Variants in FMR1NB observed in about 807,000 individuals in gnomAD.
FMR1NB encodes FMR1 neighbor protein.
Under a neutral mutation model 16.8 loss-of-function variants are expected in FMR1NB, and 10 were observed. That is an observed-to-expected ratio of 0.60 (90% CI 0.37 to 1.01). The LOEUF is 1.01. Ranked by LOEUF, FMR1NB falls within the 50% of genes least tolerant of loss-of-function variation. FMR1NB has a pLI of 0.01. For synonymous variants in FMR1NB, 83 were observed against 79.1 expected (o/e 1.05, Z -0.26); for missense variants, 205 against 204.8 (o/e 1.00, Z 0.00).
At chrX:148,005,350 G>C (rs1165842432) in intron 2 of FMR1NB, among the ~76,000 whole-genome samples, 26 of 111,244 alleles carry the variant, frequency 2.3e-4, no homozygotes, top group Non-Finnish European at 1.9e-5. Context: ...CAGTACCCAT[G>C]GTGAGAAACT....
chrX:148,003,344 C>G (rs782272481), intron 2 of FMR1NB, 24 bp downstream of exon 2: 1 of 1,202,333 alleles, frequency 8.3e-7, no homozygotes, highest in Non-Finnish European at 1.1e-6. Flanking sequence ...TGATTTTTTT[C>G]CCCCTCTAAT....
intron 4 of FMR1NB, among the ~76,000 whole-genome samples, chrX:148,018,799 A>G (rs943299116): frequency 9.0e-6 from 1 of 111,696 alleles, no homozygotes; most frequent in South Asian, 3.7e-4. Flanking sequence ...AAAAGCAATG[A>G]CAACAAAAGA....
At chrX:148,025,463 A>G (rs955611363) in intron 5 of FMR1NB, among the ~76,000 whole-genome samples, 1 of 111,649 alleles carries the variant, frequency 9.0e-6, no homozygotes, top group African/African-American at 3.3e-5. Flanking sequence ...TCAAACCTGC[A>G]CGATGTAGTG....
intron 1 of FMR1NB, among the ~76,000 whole-genome samples, chrX:148,002,623 G>C (rs1457854916): frequency 8.9e-6 from 1 of 111,952 alleles, no homozygotes; most frequent in Non-Finnish European, 1.9e-5. Context: ...AGTTATAATA[G>C]AGCCATATAA....
chrX:148,015,285 T>C (rs1007277876), intron 4 of FMR1NB, among the ~76,000 whole-genome samples: 3 of 111,970 alleles, frequency 2.7e-5, no homozygotes, highest in Non-Finnish European at 5.6e-5. Context: ...TTTTGTTTCA[T>C]TAATCTTCTG....
At chrX:147,981,784 T>G in intron 1 of FMR1NB, 105 bp downstream of exon 1, 1 of 898,746 alleles carries the variant, frequency 1.1e-6, no homozygotes, top group Non-Finnish European at 1.5e-6. Flanking sequence ...TAGGCCTTCC[T>G]GCCCCTTCCT....
Position 147,992,135 on chromosome X carries a change from G to C in FMR1NB, c.277+10456G>C, listed in dbSNP as rs1203956331. 7.2e-5 allele frequency among the ~76,000 whole-genome samples: 8 copies of C among 110,562 alleles called. No homozygotes were observed. The East Asian group carries it at 1.5e-3, about 20-fold the overall frequency. On this transcript the variant is annotated intron_variant, in intron 1 of 5. Transcript: ENST00000370467. ...TCCCGCCTTTCTACTCCACAAAGCT[G>C]CCATTGTCATCCCGTCCCGTTCTCA... is the stretch of plus-strand genomic sequence containing the variant.
chrX:148,019,372 A>T (rs1176010495), intron 4 of FMR1NB, among the ~76,000 whole-genome samples: 1 of 112,266 alleles, frequency 8.9e-6, no homozygotes, highest in African/African-American at 3.2e-5. Context: ...TGTTTGAAAG[A>T]TAATATGTCT....
At chrX:147,986,351 T>C (rs891215966) in intron 1 of FMR1NB, among the ~76,000 whole-genome samples, 1 of 112,302 alleles carries the variant, frequency 8.9e-6, no homozygotes, top group Non-Finnish European at 1.9e-5. Flanking sequence ...ATTTTGGCTT[T>C]TGTTGCCATT....
chrX:148,004,174 G>A (rs1232618491), intron 2 of FMR1NB, among the ~76,000 whole-genome samples: 3 of 111,907 alleles, frequency 2.7e-5, no homozygotes, highest in African/African-American at 9.7e-5. Flanking sequence ...ATACTGCCAT[G>A]GTCAAATTGA....
chrX:148,009,848 T>C (rs1039250323), intron 4 of FMR1NB, among the ~76,000 whole-genome samples: 6 of 112,341 alleles, frequency 5.3e-5, no homozygotes, highest in Admixed American at 9.5e-5. Context: ...TTACTTTGGA[T>C]GAAGATCATC....
At position 147,981,641 on chromosome X, in the gene FMR1NB, T is replaced by C. The variant is rs1259582484; in HGVS notation, c.239T>C (p.Leu80Pro). 1.7e-6 allele frequency: 2 copies of C among 1,204,332 alleles called. No individual in the cohort carries two copies. Among genetic ancestry groups the C allele is most frequent in the Admixed American group, 2.2e-5 (1 of 45,269 alleles). Residue 80 changes from leucine (L) to proline (P), a missense_variant, in exon 1 of 6, where the codon CTG (leucine) becomes CCG (proline). By Grantham distance (98) the Leu-to-Pro change is moderately conservative. Coordinates refer to ENST00000370467, the MANE Select transcript of FMR1NB (RefSeq NM_152578.3). ...CTCATGCTCTCCATTTGGATCCTGCTGTTCGTGTGCTACTACCTGTCCTAC... is the reference window on the plus strand; with the variant it reads ...CTCATGCTCTCCATTTGGATCCTGCCGTTCGTGTGCTACTACCTGTCCTAC... ...GMLMLSIWIL[L>P]FVCYYLSYYL... is the part of the protein sequence containing the mutation.
chrX:147,996,617 A>G (rs901204513), intron 1 of FMR1NB, among the ~76,000 whole-genome samples: 3 of 111,423 alleles, frequency 2.7e-5, no homozygotes, highest in Admixed American at 1.9e-4. Flanking sequence ...CATAATTTGT[A>G]AAATGAAAAT....
At chrX:148,000,164 T>G (rs2044563772) in intron 1 of FMR1NB, among the ~76,000 whole-genome samples, 1 of 111,747 alleles carries the variant, frequency 8.9e-6, no homozygotes, top group Admixed American at 9.5e-5. Flanking sequence ...AAGTGAATAG[T>G]CTTATGATTC....
intron 1 of FMR1NB, among the ~76,000 whole-genome samples, chrX:147,991,650 T>C (rs1425574417): frequency 1.9e-4 from 17 of 91,071 alleles, no homozygotes; most frequent in Admixed American, 1.5e-3. Context: ...CTTCCTTCTT[T>C]TTTTTTTTTT....
intron 1 of FMR1NB, among the ~76,000 whole-genome samples, chrX:147,989,042 C>T (rs189580156): frequency 1.9e-4 from 21 of 111,648 alleles, no homozygotes; most frequent in African/African-American, 5.9e-4. Flanking sequence ...CTGCCCTTGC[C>T]GGAGAGGAGT....
chrX:147,987,429 T>C (rs2044482456), intron 1 of FMR1NB, among the ~76,000 whole-genome samples: 1 of 112,047 alleles, frequency 8.9e-6, no homozygotes, highest in African/African-American at 3.2e-5. Flanking sequence ...CTTCCAGCTT[T>C]TGCCCATTCA....
chrX:148,004,569 C>T (rs1211755152), intron 2 of FMR1NB, among the ~76,000 whole-genome samples: 1 of 112,108 alleles, frequency 8.9e-6, no homozygotes, highest in Non-Finnish European at 1.9e-5. Flanking sequence ...TCTTTGAAGA[C>T]AATAACTACA....
At chrX:148,003,139 A>G (rs2044579072) in intron 1 of FMR1NB, 62 bp from the exon 2 acceptor site, 40 of 1,099,441 alleles carry the variant, frequency 3.6e-5, no homozygotes, top group Non-Finnish European at 4.3e-5. Flanking sequence ...TTACCATTCA[A>G]GGGTCATTGA....
Sources: gnomAD v4.1 joint callset for allele counts (sites outside exome capture counted in the v4.1 genomes callset) on GRCh38, gnomAD v4.1.1 for gene constraint, MANE v1.5 for transcripts, NCBI Gene and HGNC (gene_info 2026-07-23, HGNC 2026-07-21) for gene names.